FLG: variants seen among roughly 807,000 people sequenced by gnomAD.
FLG encodes filaggrin, also known as epidermal filaggrin.
In FLG, 6 loss-of-function variants were observed where a neutral mutation model predicts 3.8. That is an observed-to-expected ratio of 1.60 (90% confidence interval 0.87 to 3.15). The LOEUF (loss-of-function observed/expected upper bound fraction) is 3.15. Among genes scored for constraint, FLG ranks in the 30% most tolerant of loss-of-function variants. The pLI is 0.00. For missense variants in FLG, 7,595 were observed against 5,050.9 expected (o/e 1.50, Z -15.27); for synonymous variants, 2,551 against 1,931.6 (o/e 1.32, Z -8.41).
rs1206903888 is a variant in FLG at position 152,313,667 on chromosome 1, A to G, written c.1219T>C (p.Ser407Pro). 3.1e-6 allele frequency: 5 copies of G among 1,613,678 alleles called. No homozygotes were observed. In the East Asian group the frequency reaches 6.7e-5, roughly 22 times the overall value. The change falls in exon 3 of 3, where the codon TCT (serine) becomes CCT (proline). Residue 407 changes from serine (S) to proline (P), a missense_variant. Physicochemically the swap from Ser to Pro is moderately conservative, Grantham distance 74. Coordinates refer to ENST00000368799, the MANE Select transcript of FLG (RefSeq NM_002016.2). ...CGGTGTCCACGATCGCTGACTGCAG[A>G]TGAAGCTTGCCCGCGCCCAGTGGCT... ...HSATGRGQAS[S>P]AVSDRGHRGS...
In FLG at chr1:152,310,991, G is replaced by T. The variant is rs200557207; in HGVS notation, c.3895C>A (p.Arg1299=). 32 of 1,612,812 alleles carry T rather than the reference G, an allele frequency of 2.0e-5. No homozygotes were observed. Among genetic ancestry groups the T allele is most frequent in the Non-Finnish European group, 2.6e-5 (31 of 1,179,854 alleles). Residue 1299 remains arginine, a synonymous_variant, in exon 3 of 3, where the codon CGG becomes AGG. Coordinates refer to ENST00000368799, the MANE Select transcript of FLG (RefSeq NM_002016.2). ...CTGGAGCCATCTCTTGACTGCTCCCGAGAAGATCCATGATGGTTTCTGGAA... is the reference window on the plus strand; with the variant it reads ...CTGGAGCCATCTCTTGACTGCTCCCTAGAAGATCCATGATGGTTTCTGGAA... The part of the protein sequence containing the change: ...SASRNHHGSS[R]EQSRDGSRHP...
In FLG at chr1:152,311,163, G is replaced by A; in HGVS notation, c.3723C>T (p.Ala1241=). Residue 1241 remains alanine (A), a synonymous_variant, in exon 3 of 3, where the codon GCC becomes GCT. Coordinates refer to ENST00000368799, the MANE Select transcript of FLG (RefSeq NM_002016.2). ...RHSGSRHHEA[A]SWADSSRHSQ... ...AGTGTCTAGAGCTGTCAGCCCAAGA[G>A]GCAGCTTCATGGTGACGTGACCCTG... The A allele has an allele frequency of 6.2e-7, 1 of 1,613,710 alleles. No individual in the cohort carries two copies. Among genetic ancestry groups the A allele is most frequent in the Non-Finnish European group, 8.5e-7 (1 of 1,179,956 alleles).
In FLG at chr1:152,309,739, C is replaced by G. The variant is rs776208400; in HGVS notation, c.5147G>C (p.Gly1716Ala). The stretch of plus-strand genomic sequence containing the variant: ...TCCCTCGCTGTCACTGGCCTGGCTA[C>G]CACTGGACCCTCGGTTTCCACTGTC... The part of the protein sequence containing the change: ...VGDSGNRGSS[G>A]SQASDSEGHS... The change falls in exon 3 of 3, where the codon GGT becomes GCT. Residue 1716 changes from glycine to alanine, a missense_variant. Physicochemically the swap from Gly to Ala is moderately conservative, Grantham distance 60. Transcript: ENST00000368799. The G allele has an allele frequency of 1.2e-6, 2 of 1,613,832 alleles. No individual in the cohort carries two copies. The highest frequency in any genetic ancestry group is 1.7e-6 in the Non-Finnish European group (2 of 1,179,956).
In FLG at chr1:152,310,591, C is replaced by T; in HGVS notation, c.4295G>A (p.Gly1432Glu). Residue 1432 changes from glycine (G) to glutamate (E), a missense_variant, in exon 3 of 3, where the codon GGG becomes GAG. Coordinates refer to ENST00000368799, the MANE Select transcript of FLG (RefSeq NM_002016.2). ...AGACCTTGAACGTCCAGAGCTTTCC[C>T]CTGACTGGCCACGTGCGGACTCTTT... ...SHKESARGQS[G>E]ESSGRSRSFL... is the part of the protein sequence containing the mutation. 2.5e-6 allele frequency: 4 copies of T among 1,613,948 alleles called. No individual in the cohort carries two copies. The highest frequency in any genetic ancestry group is 4.5e-5 in the East Asian group (2 of 44,848).
chr1:152,305,287 C>T lies in FLG; in HGVS notation c.9599G>A (p.Gly3200Glu), dbSNP rs767284364. Residue 3200 changes from glycine (G) to glutamate (E), a missense_variant, in exon 3 of 3, where the codon GGA becomes GAA. Physicochemically the swap from Gly to Glu is moderately conservative, Grantham distance 98. Transcript: ENST00000368799. ...DISRHSQAVQ[G>E]QSEGSRRSRR... is the part of the protein sequence containing the mutation. ...GCTTCTCCTGGACCCCTCTGATTGT[C>T]CCTGGACTGCCTGTGAGTGTCTAGA... 1.9e-6 allele frequency: 3 copies of T among 1,612,154 alleles called. No homozygotes were observed. Among genetic ancestry groups the T allele is most frequent in the Admixed American group, 3.4e-5 (2 of 59,670 alleles).
Position 152,311,500 on chromosome 1 carries a change from G to C in FLG, c.3386C>G (p.Ser1129Cys), listed in dbSNP as rs760457700. 5.0e-6 allele frequency: 8 copies of C among 1,613,858 alleles called. No homozygotes were observed. Among genetic ancestry groups the C allele is most frequent in the Non-Finnish European group, 6.8e-6 (8 of 1,179,968 alleles). Residue 1129 changes from serine to cysteine, a missense_variant, in exon 3 of 3, where the codon TCT becomes TGT. Transcript: ENST00000368799. ...GCTGGTCCTGGTCCGCCCATGGGCA[G>C]ACTCAGACTGTTCATGAGTGCTCAC... is the stretch of plus-strand genomic sequence containing the variant. Reference protein sequence around the residue: ...YQVSTHEQSESAHGRTRTSTG... With the variant: ...YQVSTHEQSECAHGRTRTSTG...
In FLG at chr1:152,313,855, G is replaced by T. The variant is rs1466705231; in HGVS notation, c.1031C>A (p.Ala344Asp). ...GCTGTCTGCAGAGTGCCCATGACTG[G>T]CTCTGTCTTCATCATGGGACCTGGG... ...RHPRSHDEDR[A>D]SHGHSADSSR... Residue 344 changes from alanine to aspartate, a missense_variant, in exon 3 of 3, where the codon GCC becomes GAC. Physicochemically the swap from Ala to Asp is moderately radical, Grantham distance 126. Transcript: ENST00000368799. The T allele has an allele frequency of 1.2e-6, 2 of 1,613,992 alleles. No homozygotes were observed. The highest frequency in any genetic ancestry group is 1.7e-6 in the Non-Finnish European group (2 of 1,179,942).
Position 152,308,572 on chromosome 1 carries a change from C to T in FLG, c.6314G>A (p.Gly2105Glu), listed in dbSNP as rs1462369686. Residue 2105 changes from glycine (G) to glutamate (E), a missense_variant, in exon 3 of 3, where the codon GGA becomes GAA. Coordinates refer to ENST00000368799, the MANE Select transcript of FLG (RefSeq NM_002016.2). ...TCCTCCAGTGCTGGGCGCAGACTGT[C>T]CATGGGTGGACTCAGACTGTTCATG... is the stretch of plus-strand genomic sequence containing the variant. ...STHEQSESTH[G>E]QSAPSTGGRQ... 22 of 1,613,900 alleles carry T rather than the reference C, an allele frequency of 1.4e-5. No homozygotes were observed. The highest frequency in any genetic ancestry group is 1.7e-5 in the Non-Finnish European group (20 of 1,179,996).
At chr1:152,323,425 A>T (rs908004368) in intron 1 of FLG, among the ~76,000 whole-genome samples, 1 of 151,802 alleles carries the variant, frequency 6.6e-6, no homozygotes, top group Non-Finnish European at 1.5e-5. Context: ...CCTGAATATA[A>T]AAATAGCTTC....
At position 152,309,514 on chromosome 1, in the gene FLG, CT is replaced by C. The variant is rs1241835707; in HGVS notation, c.5371del (p.Arg1791AspfsTer43). 2 of 1,613,768 alleles carry C rather than the reference CT, an allele frequency of 1.2e-6. No individual in the cohort carries two copies. The highest frequency in any genetic ancestry group is 8.5e-7 in the Non-Finnish European group (1 of 1,179,992). ...RTGPSTGGRQ[R>X]SRHEQARDSS... is the part of the protein sequence containing the mutation. The stretch of plus-strand genomic sequence containing the variant: ...GTCTCGTGCCTGCTCGTGGCGGGAT[CT>C]TTGTCTTCCTCCAGTGCTGGGCCCT... On this transcript the variant is annotated frameshift_variant, in exon 3 of 3. Transcript: ENST00000368799. LOFTEE classifies it low-confidence loss of function (END_TRUNC).
rs746090083 is a variant in FLG, at chr1:152,307,302, C to T, written c.7584G>A (p.Arg2528=). The change falls in exon 3 of 3, where the codon AGG becomes AGA. Residue 2528 remains arginine, a synonymous_variant. Coordinates refer to ENST00000368799, the MANE Select transcript of FLG (RefSeq NM_002016.2). ...CTTCATGGTGACGCGACCCTGAGTG[C>T]CTGGAGCCGTCTCCTGATTGTTCAT... ...RNDEQSGDGS[R]HSGSRHHEAS... The T allele has an allele frequency of 6.2e-7, 1 of 1,613,440 alleles. No homozygotes were observed. The highest frequency in any genetic ancestry group is 1.1e-5 in the South Asian group (1 of 91,048).
rs778456715 is a variant in FLG at position 152,308,542 on chromosome 1, T to C, written c.6344A>G (p.Gln2115Arg). ...GQSAPSTGGR[Q>R]GSHYDQAQDS... Reference sequence around the variant, plus strand: ...TTGTGCCTGATCATAATGGGATCCTTGTCTTCCTCCAGTGCTGGGCGCAGA... The same window carrying C: ...TTGTGCCTGATCATAATGGGATCCTCGTCTTCCTCCAGTGCTGGGCGCAGA... Residue 2115 changes from glutamine to arginine, a missense_variant, in exon 3 of 3, where the codon CAA (glutamine) becomes CGA (arginine). Physicochemically the swap from Gln to Arg is conservative, Grantham distance 43. Coordinates refer to ENST00000368799, the MANE Select transcript of FLG (RefSeq NM_002016.2). 3 of 1,613,900 alleles carry C rather than the reference T, an allele frequency of 1.9e-6. No homozygotes were observed. Among genetic ancestry groups the C allele is most frequent in the African/African-American group, 2.7e-5 (2 of 74,890 alleles).
chr1:152,309,345 C>T lies in FLG; in HGVS notation c.5541G>A (p.Thr1847=), dbSNP rs555235287. 7.4e-5 allele frequency: 120 copies of T among 1,613,582 alleles called. 1 individual carries two copies. The highest frequency in any genetic ancestry group is 1.6e-4 in the Middle Eastern group (1 of 6,062). ...GHSGSHHSHT[T]SQERSDVSRG... The stretch of plus-strand genomic sequence containing the variant: ...GGGAGACATCAGACCTTTCCTGGGA[C>T]GTGGTGTGGCTGTGATGAGACCCTG... Residue 1847 remains threonine, a synonymous_variant, in exon 3 of 3, where the codon ACG becomes ACA. Coordinates refer to ENST00000368799, the MANE Select transcript of FLG (RefSeq NM_002016.2).
intron 1 of FLG, among the ~76,000 whole-genome samples, chr1:152,317,136 A>C (rs1652813449): frequency 6.6e-6 from 1 of 152,108 alleles, no homozygotes; most frequent in African/African-American, 2.4e-5. Flanking sequence ...TTGCTTTTGC[A>C]GTTGCCTACT....
At chr1:152,316,901 C>A (rs992656626) in intron 1 of FLG, among the ~76,000 whole-genome samples, 1 of 152,128 alleles carries the variant, frequency 6.6e-6, no homozygotes, top group Non-Finnish European at 1.5e-5. Flanking sequence ...AAAGCTTCAA[C>A]AACTTCTTCT....
In FLG at chr1:152,311,648, C is replaced by T; in HGVS notation, c.3238G>A (p.Glu1080Lys). ...CCTGACACTGACTGTGTGTCTGACT[C>T]CTCTGAATGTCCCTCACTATCACTG... ...QASDSEGHSE[E>K]SDTQSVSGHG... The change falls in exon 3 of 3, where the codon GAG becomes AAG. Residue 1080 changes from glutamate (E) to lysine (K), a missense_variant. Glu to Lys is a moderately conservative substitution (Grantham distance 56). Coordinates refer to ENST00000368799, the MANE Select transcript of FLG (RefSeq NM_002016.2). The T allele has an allele frequency of 3.1e-6, 5 of 1,614,136 alleles. 1 individual carries two copies. Among genetic ancestry groups the T allele is most frequent in the South Asian group, 1.1e-5 (1 of 91,074 alleles).
intron 1 of FLG, among the ~76,000 whole-genome samples, chr1:152,319,437 A>G (rs1652885511): frequency 6.6e-6 from 1 of 151,246 alleles, no homozygotes; most frequent in Admixed American, 6.6e-5. Context: ...TTAAAAGACA[A>G]AATTTTCTAA....
chr1:152,324,078 G>C (rs987590752), intron 1 of FLG, among the ~76,000 whole-genome samples: 1 of 146,734 alleles, frequency 6.8e-6, no homozygotes, highest in South Asian at 2.4e-4. Flanking sequence ...AGGAATCATG[G>C]ATAACTTCTA....
chr1:152,320,427 A>C (rs1332586889), intron 1 of FLG, among the ~76,000 whole-genome samples: 1 of 151,058 alleles, frequency 6.6e-6, no homozygotes, highest in Non-Finnish European at 1.5e-5. Flanking sequence ...TGGAAGAAAG[A>C]GATACCATTC....
Sources: allele counts gnomAD v4.1 joint callset (sites outside exome capture counted in the v4.1 genomes callset), GRCh38; gene constraint gnomAD v4.1.1; transcripts MANE v1.5; gene names NCBI Gene and HGNC (gene_info 2026-07-23, HGNC 2026-07-21).